Variants in ABTB2 observed in about 807,000 individuals in gnomAD.
ABTB2 encodes ankyrin repeat and BTB domain containing 2.
Under a neutral mutation model 104.1 loss-of-function variants are expected in ABTB2, and 56 were observed. The observed-to-expected ratio is 0.54, with a 90% CI of 0.43 to 0.67. ABTB2 has a LOEUF of 0.67. Among genes scored for constraint, ABTB2 ranks in the 30% least tolerant of loss-of-function variants. ABTB2 has a pLI of 0.00. For missense variants in ABTB2, 1,279 were observed against 1,407.7 expected (o/e 0.91, Z 1.46); for synonymous variants, 606 against 608.2 (o/e 1.00, Z 0.05).
chr11:34,186,072 CGT>C (rs1320350149), intron 3 of ABTB2, among the ~76,000 whole-genome samples: 7 of 152,204 alleles, frequency 4.6e-5, no homozygotes, highest in African/African-American at 1.7e-4. Flanking sequence ...TGGAAGGAGG[CGT>C]GATGGAGAAA....
At chr11:34,299,622 C>A (rs1854674723) in intron 1 of ABTB2, among the ~76,000 whole-genome samples, 1 of 152,244 alleles carries the variant, frequency 6.6e-6, no homozygotes, top group Admixed American at 6.5e-5. Context: ...CATGAACCCT[C>A]ACTGAAACCT....
chr11:34,152,468 C>T lies in ABTB2; in HGVS notation c.2997G>A (p.Val999=). The T allele has an allele frequency of 6.2e-7, 1 of 1,604,096 alleles. No homozygotes were observed. Among genetic ancestry groups the T allele is most frequent in the Non-Finnish European group, 8.5e-7 (1 of 1,176,606 alleles). ...RQLIYGRSSK[V]QGLDPLQDLQ... ...GGTCCTGCAGTGGATCCAGGCCCTG[C>T]ACTTTGCTGCTGCGGCCGTAGATGA... The change falls in exon 17 of 17, where the codon GTG becomes GTA. Residue 999 remains valine (V), a synonymous_variant. Coordinates refer to ENST00000435224, the MANE Select transcript of ABTB2 (RefSeq NM_145804.3).
intron 3 of ABTB2, among the ~76,000 whole-genome samples, chr11:34,196,411 A>G (rs1853257046): frequency 1.3e-5 from 2 of 152,110 alleles, no homozygotes; most frequent in African/African-American, 4.8e-5. Context: ...AAAATTAGCC[A>G]GGCGTGGTGG....
chr11:34,350,215 G>A (rs892606952), intron 1 of ABTB2, among the ~76,000 whole-genome samples: 5 of 151,784 alleles, frequency 3.3e-5, no homozygotes, highest in African/African-American at 9.7e-5. Context: ...GTCAGCAGCC[G>A]GACACCATGG....
chr11:34,183,569 A>G (rs998616422), intron 3 of ABTB2, among the ~76,000 whole-genome samples: 1 of 152,122 alleles, frequency 6.6e-6, no homozygotes, highest in African/African-American at 2.4e-5. Flanking sequence ...AGGCAGGAGG[A>G]GGTCCTCCTG....
At position 34,231,055 on chromosome 11, in the gene ABTB2, T is replaced by C. The variant is rs538023527; in HGVS notation, c.884-26365A>G. 2.3e-3 allele frequency among the ~76,000 whole-genome samples: 348 copies of C among 152,152 alleles called. 4 individuals carry two copies. The highest frequency in any genetic ancestry group is 0.017 in the South Asian group (83 of 4,822). On this transcript the variant is annotated intron_variant, in intron 1 of 16. Transcript: ENST00000435224. ...ATTCTTCAATAAAAGGAACCAGAGC[T>C]CCTTCGAGAAATTGACTGATTTTAG...
intron 1 of ABTB2, among the ~76,000 whole-genome samples, chr11:34,344,818 T>C (rs566559361): frequency 2.0e-5 from 3 of 152,218 alleles, no homozygotes; most frequent in Admixed American, 6.5e-5. Context: ...GATATCTGTA[T>C]GTGATTTGAG....
chr11:34,219,994 T>G (rs561791556), intron 1 of ABTB2, among the ~76,000 whole-genome samples: 2 of 152,334 alleles, frequency 1.3e-5, no homozygotes, highest in South Asian at 4.1e-4. Context: ...CAAAGGGATT[T>G]TACAGACTTT....
intron 1 of ABTB2, among the ~76,000 whole-genome samples, chr11:34,348,059 G>A (rs1855355372): frequency 6.6e-6 from 1 of 152,212 alleles, no homozygotes; most frequent in Non-Finnish European, 1.5e-5. Context: ...GGCCACGGAA[G>A]AAATGCAAAG....
chr11:34,256,272 C>G (rs1227236988), intron 1 of ABTB2, among the ~76,000 whole-genome samples: 1 of 152,270 alleles, frequency 6.6e-6, no homozygotes, highest in African/African-American at 2.4e-5. Context: ...ACTGGCCCAG[C>G]CACTAGTGAC....
intron 4 of ABTB2, among the ~76,000 whole-genome samples, chr11:34,172,393 AAAAT>A (rs1482199663): frequency 0.017 from 466 of 28,152 alleles, 7 homozygotes; most frequent in African/African-American, 0.043. Flanking sequence ...AAAAAAAAAA[AAAAT>A]ATATATATAT....
At chr11:34,158,427 A>G (rs2473924) in intron 14 of ABTB2, among the ~76,000 whole-genome samples, 2,215 of 152,242 alleles carry the variant, frequency 0.015, 37 homozygotes, top group African/African-American at 0.05. Flanking sequence ...AACAAAAAAA[A>G]GCCATTTTAG....
intron 3 of ABTB2, among the ~76,000 whole-genome samples, chr11:34,197,086 A>G (rs1341645875): frequency 6.6e-6 from 1 of 152,220 alleles, no homozygotes; most frequent in Non-Finnish European, 1.5e-5. Flanking sequence ...AGGCAGAAGC[A>G]CACGTTCTGA....
intron 1 of ABTB2, among the ~76,000 whole-genome samples, chr11:34,218,590 C>T (rs1286708021): frequency 6.6e-6 from 1 of 152,168 alleles, no homozygotes; most frequent in Non-Finnish European, 1.5e-5. Context: ...TGGCTCACGC[C>T]TGTAATCCCA....
intron 1 of ABTB2, among the ~76,000 whole-genome samples, chr11:34,213,272 G>A (rs1853505439): frequency 6.6e-6 from 1 of 152,252 alleles, no homozygotes; most frequent in Non-Finnish European, 1.5e-5. Context: ...GAGGTCAGGA[G>A]TTCGAGACCA....
chr11:34,335,052 G>C (rs1467091577), intron 1 of ABTB2: 1 of 727,466 alleles, frequency 1.4e-6, no homozygotes, highest in Non-Finnish European at 2.4e-6. Context: ...TAGTCTGACA[G>C]TGTTTATAGA....
intron 1 of ABTB2, among the ~76,000 whole-genome samples, chr11:34,299,206 A>G (rs1854666618): frequency 6.6e-6 from 1 of 152,212 alleles, no homozygotes. Context: ...TAGACTGGGC[A>G]GGGGTTTGGA....
intron 1 of ABTB2, among the ~76,000 whole-genome samples, chr11:34,296,661 G>C (rs1032944195): frequency 1.3e-5 from 2 of 152,174 alleles, no homozygotes; most frequent in African/African-American, 4.8e-5. Flanking sequence ...CCAGGAAGGG[G>C]CAGAGACAGG....
chr11:34,208,137 T>C (rs958927691), intron 1 of ABTB2, among the ~76,000 whole-genome samples: 2 of 152,302 alleles, frequency 1.3e-5, no homozygotes, highest in South Asian at 2.1e-4. Context: ...AGATGGAAAA[T>C]ATTTTCTTTA....
Sources: allele counts gnomAD v4.1 joint callset (sites outside exome capture counted in the v4.1 genomes callset), GRCh38; gene constraint gnomAD v4.1.1; transcripts MANE v1.5; gene names NCBI Gene and HGNC (gene_info 2026-07-23, HGNC 2026-07-21).